Variants in TDRD7 observed in about 807,000 individuals in gnomAD.
TDRD7 encodes tudor domain containing 7, also known as tudor domain-containing protein 7.
In TDRD7, 47 loss-of-function variants were observed where a neutral mutation model predicts 109.8. That is an observed-to-expected ratio of 0.43 (90% confidence interval 0.34 to 0.55). The LOEUF (loss-of-function observed/expected upper bound fraction) is 0.55. Ranked by LOEUF, TDRD7 falls within the 20% of genes least tolerant of loss-of-function variation. TDRD7 has a pLI of 0.03. For missense variants in TDRD7, 1,164 were observed against 1,319.2 expected (o/e 0.88, Z 1.82); for synonymous variants, 424 against 457.3 (o/e 0.93, Z 0.93).
chr9:97,485,786 A>AG (rs1829202268), intron 15 of TDRD7, among the ~76,000 whole-genome samples: 1 of 152,186 alleles, frequency 6.6e-6, no homozygotes, highest in South Asian at 2.1e-4. Context: ...GAGATGATTG[A>AG]GGCTCAGAGC....
rs571960012 is a variant in TDRD7, at chr9:97,412,845, G to T, written c.-7+607G>T. ...CTGGGAGGGAAACATGGATCCGTGAGTAAGTTGTCTCTCAACTTTCAGTAG... is the reference window on the plus strand; with the variant it reads ...CTGGGAGGGAAACATGGATCCGTGATTAAGTTGTCTCTCAACTTTCAGTAG... On this transcript the variant is annotated intron_variant, in intron 1 of 16. Transcript: ENST00000355295. This position sits in a 1 kb window ranked among gnomAD's most constrained non-coding sequence, Gnocchi z 4.3. Among the ~76,000 whole-genome samples, 1 of 152,232 alleles carries T rather than the reference G, an allele frequency of 6.6e-6. No homozygotes were observed.
At chr9:97,488,577 T>TG (rs1020666270) in intron 16 of TDRD7, among the ~76,000 whole-genome samples, 18 of 151,196 alleles carry the variant, frequency 1.2e-4, no homozygotes, top group African/African-American at 4.1e-4. Context: ...TTTTTTTTTT[T>TG]TTGTTTTCAC....
intron 16 of TDRD7, among the ~76,000 whole-genome samples, chr9:97,491,888 G>A (rs1430120908): frequency 6.6e-6 from 1 of 152,212 alleles, no homozygotes; most frequent in Non-Finnish European, 1.5e-5. Context: ...TGAGTACCAG[G>A]TAGTGCTTCT....
chr9:97,468,120 A>G (rs144848534), intron 8 of TDRD7, among the ~76,000 whole-genome samples: 1 of 152,342 alleles, frequency 6.6e-6, no homozygotes, highest in East Asian at 1.9e-4. Context: ...GAGCTCAGGG[A>G]GCAGTTAGGA....
rs367577257 is a variant in TDRD7, at chr9:97,458,550, T to A, written c.856-1628T>A. Reference sequence around the variant, plus strand: ...AGGGACATAAACTGCGCCAATCATATAACATGCCATTTAGAGGGATCACAG... The same window carrying A: ...AGGGACATAAACTGCGCCAATCATAAAACATGCCATTTAGAGGGATCACAG... On this transcript the variant is annotated intron_variant, in intron 6 of 16. Coordinates refer to ENST00000355295, the MANE Select transcript of TDRD7 (RefSeq NM_014290.3). Among the ~76,000 whole-genome samples the A allele has an allele frequency of 8.5e-5, 13 of 152,278 alleles. No individual in the cohort carries two copies. The East Asian group carries it at 9.7e-4, about 11-fold the overall frequency.
chr9:97,415,173 C>T (rs1019317542), intron 1 of TDRD7, among the ~76,000 whole-genome samples: 2 of 152,176 alleles, frequency 1.3e-5, no homozygotes, highest in Non-Finnish European at 2.9e-5. Flanking sequence ...GATTTAGTGC[C>T]ACTCGACAAC....
In TDRD7 at chr9:97,482,959, G is replaced by T. The variant is rs778203012; in HGVS notation, c.2523G>T (p.Leu841Phe). The change falls in exon 15 of 17, where the codon TTG becomes TTT. Residue 841 changes from leucine to phenylalanine, a missense_variant. By Grantham distance (22) the Leu-to-Phe change is conservative. This residue lies in a region of TDRD7 where 233 missense variants were observed against 218.0 expected (regional missense o/e 1.07). Transcript: ENST00000355295. Reference protein sequence around the residue: ...SINRQITNADLWKHQKDVFLS... With the variant: ...SINRQITNADFWKHQKDVFLS... ...ATCGCCAGATTACAAATGCAGACTTGTGGAAGCATCAGAAGGATGTGTTTT... is the reference window on the plus strand; with the variant it reads ...ATCGCCAGATTACAAATGCAGACTTTTGGAAGCATCAGAAGGATGTGTTTT... 1 of 1,614,198 alleles carries T rather than the reference G, an allele frequency of 6.2e-7. No homozygotes were observed. The highest frequency in any genetic ancestry group is 1.1e-5 in the South Asian group (1 of 91,088).
chr9:97,483,415 T>A, intron 15 of TDRD7, 64 bp downstream of exon 15: 1 of 1,590,680 alleles, frequency 6.3e-7, no homozygotes, highest in Non-Finnish European at 8.5e-7. Context: ...GATGCCAGAG[T>A]CTTAATCTTG....
chr9:97,471,358 A>T (rs1446910497), intron 9 of TDRD7, among the ~76,000 whole-genome samples: 1 of 152,176 alleles, frequency 6.6e-6, no homozygotes, highest in Non-Finnish European at 1.5e-5. Context: ...CCTCCTTCCC[A>T]GTGGGATGAA....
At chr9:97,431,884 C>T in intron 3 of TDRD7, 141 bp from the exon 4 acceptor site, 1 of 799,614 alleles carries the variant, frequency 1.3e-6, no homozygotes. Flanking sequence ...TTGACCAGCC[C>T]TCCAGTGGCA....
At chr9:97,424,049 CTTTTTTTTTTTTTT>C (rs56369544) in intron 1 of TDRD7, among the ~76,000 whole-genome samples, 2 of 48,866 alleles carry the variant, frequency 4.1e-5, no homozygotes, top group Admixed American at 3.0e-4. Context: ...CTTTTATATT[CTTTTTTTTTTTTTT>C]TTTTTTTTTT....
At chr9:97,469,821 C>G (rs902079165) in intron 8 of TDRD7, among the ~76,000 whole-genome samples, 2 of 151,968 alleles carry the variant, frequency 1.3e-5, no homozygotes, top group Non-Finnish European at 2.9e-5. Context: ...AAATAATATC[C>G]AGGCTCTTAA....
chr9:97,424,412 A>G (rs1260503301), intron 1 of TDRD7, among the ~76,000 whole-genome samples: 1 of 152,084 alleles, frequency 6.6e-6, no homozygotes, highest in Non-Finnish European at 1.5e-5. Flanking sequence ...CTATCTATTG[A>G]CGAGAAAGGA....
At chr9:97,460,118 G>C in intron 6 of TDRD7, 60 bp from the exon 7 acceptor site, 1 of 1,416,308 alleles carries the variant, frequency 7.1e-7, no homozygotes, top group South Asian at 1.2e-5. Flanking sequence ...GCATTAATGT[G>C]TTTGTGGGTT....
intron 11 of TDRD7, among the ~76,000 whole-genome samples, chr9:97,474,265 G>A (rs999162047): frequency 3.9e-5 from 6 of 151,946 alleles, no homozygotes; most frequent in Non-Finnish European, 8.8e-5. Context: ...GGACATTATG[G>A]TCATATTTCA....
intron 11 of TDRD7, among the ~76,000 whole-genome samples, chr9:97,473,887 A>C (rs1445802871): frequency 3.9e-5 from 6 of 152,218 alleles, no homozygotes; most frequent in Non-Finnish European, 7.4e-5. Flanking sequence ...TGTGCCTGGC[A>C]TGTAGTCAGT....
At chr9:97,440,697 A>G (rs981598801) in intron 5 of TDRD7, among the ~76,000 whole-genome samples, 5 of 152,124 alleles carry the variant, frequency 3.3e-5, no homozygotes, top group African/African-American at 1.2e-4. Context: ...GCATCCCCAA[A>G]TCAGACTGTC....
At chr9:97,468,859 TAGAG>T (rs559996999) in intron 8 of TDRD7, among the ~76,000 whole-genome samples, 39 of 151,948 alleles carry the variant, frequency 2.6e-4, no homozygotes, top group East Asian at 9.7e-4. Context: ...CCCAGGACAT[TAGAG>T]AGAGAGAGAC....
chr9:97,460,799 T>C, intron 7 of TDRD7, 35 bp downstream of exon 7: 1 of 1,578,634 alleles, frequency 6.3e-7, no homozygotes, highest in Non-Finnish European at 8.7e-7. Context: ...AGGATTCTGA[T>C]ATACTTTTGT....
Sources: allele counts gnomAD v4.1 joint callset (sites outside exome capture counted in the v4.1 genomes callset), GRCh38; gene constraint gnomAD v4.1.1; regional missense constraint gnomAD v4.1.1; non-coding constraint Gnocchi (gnomAD v3.1); transcripts MANE v1.5; gene names NCBI Gene and HGNC (gene_info 2026-07-23, HGNC 2026-07-21).